The following GHR variants were observed in gnomAD, a reference collection of about 807,000 sequenced individuals.
GHR encodes the protein GH receptor.
In GHR, 35 loss-of-function variants were observed where a neutral mutation model predicts 67.1. That is an observed-to-expected ratio of 0.52 (90% CI 0.40 to 0.69). GHR has a LOEUF of 0.69. GHR is among the 30% of genes least tolerant of loss of function. The pLI is 0.00. For missense variants in GHR, 792 were observed against 764.6 expected (o/e 1.04, Z -0.42); for synonymous variants, 272 against 269.1 (o/e 1.01, Z -0.10).
At chr5:42,443,638 A>C (rs1191205353) in intron 1 of GHR, among the ~76,000 whole-genome samples, 1 of 151,572 alleles carries the variant, frequency 6.6e-6, no homozygotes, top group Non-Finnish European at 1.5e-5. Context: ...GTGTAGATTT[A>C]TTTTAAGAGA....
intron 1 of GHR, among the ~76,000 whole-genome samples, chr5:42,564,926 C>T (rs1264633716): frequency 3.9e-5 from 6 of 152,208 alleles, no homozygotes; most frequent in Admixed American, 6.5e-5. Flanking sequence ...TCAGACACAG[C>T]AACAGCTCTA....
chr5:42,605,116 A>G (rs1179404231), intron 2 of GHR, among the ~76,000 whole-genome samples: 1 of 59,812 alleles, frequency 1.7e-5, no homozygotes, highest in East Asian at 3.5e-4. Context: ...TTTTTTTTTG[A>G]GACAGAGTTT....
At chr5:42,712,355 C>T (rs1423185705) in intron 7 of GHR, among the ~76,000 whole-genome samples, 1 of 151,652 alleles carries the variant, frequency 6.6e-6, no homozygotes, top group East Asian at 1.9e-4. Context: ...CACCCTTAAG[C>T]TTAGTGTAGT....
chr5:42,652,145 G>T (rs1755044562), intron 3 of GHR, among the ~76,000 whole-genome samples: 1 of 152,128 alleles, frequency 6.6e-6, no homozygotes, highest in East Asian at 1.9e-4. Flanking sequence ...ACCAAATAGA[G>T]AGAATGAAAG....
intron 2 of GHR, among the ~76,000 whole-genome samples, chr5:42,602,817 A>G (rs974027878): frequency 6.6e-6 from 1 of 152,102 alleles, no homozygotes; most frequent in African/African-American, 2.4e-5. Context: ...TAATATCCCA[A>G]TGTACATCTG....
chr5:42,544,967 A>G, intron 1 of GHR, among the ~76,000 whole-genome samples: 1 of 152,120 alleles, frequency 6.6e-6, no homozygotes, highest in East Asian at 1.9e-4. Context: ...TTCAGCCAGC[A>G]AGGAAGATAA....
chr5:42,602,501 C>A (rs1019856585), intron 2 of GHR, among the ~76,000 whole-genome samples: 2 of 152,104 alleles, frequency 1.3e-5, no homozygotes, highest in Non-Finnish European at 2.9e-5. Context: ...GGAGTTTAGA[C>A]CATTTACAAT....
At chr5:42,492,359 G>A (rs1338523848) in intron 1 of GHR, among the ~76,000 whole-genome samples, 1 of 152,188 alleles carries the variant, frequency 6.6e-6, no homozygotes, top group African/African-American at 2.4e-5. Context: ...AAGTGAAAAT[G>A]TGGGGAAAGG....
intron 6 of GHR, among the ~76,000 whole-genome samples, chr5:42,701,724 T>C (rs538544899): frequency 1.2e-4 from 18 of 152,346 alleles, no homozygotes; most frequent in Non-Finnish European, 2.5e-4. Context: ...TGATAGTGTT[T>C]TAATATTTGA....
intron 1 of GHR, among the ~76,000 whole-genome samples, chr5:42,435,749 C>T (rs1184274386): frequency 2.0e-5 from 3 of 152,172 alleles, no homozygotes; most frequent in Non-Finnish European, 4.4e-5. Flanking sequence ...AATCCAGAAG[C>T]GTGCACTGCT....
chr5:42,696,422 G>A (rs1757676275), intron 5 of GHR, among the ~76,000 whole-genome samples: 1 of 152,192 alleles, frequency 6.6e-6, no homozygotes, highest in African/African-American at 2.4e-5. Flanking sequence ...TGACAGTTTA[G>A]TTACCTCTGA....
In GHR at chr5:42,430,737, G is replaced by A. The variant is rs373224101; in HGVS notation, c.-12+6782G>A. ...AGTCTGATATGAAGGGAAGAAATAA[G>A]CAATGATTCAGTTCCTTTTTTTACA... On this transcript the variant is annotated intron_variant, in intron 1 of 9. Transcript: ENST00000230882. Among the ~76,000 whole-genome samples, 12 of 151,952 alleles carry A rather than the reference G, an allele frequency of 7.9e-5. No individual in the cohort carries two copies. In the East Asian group the frequency reaches 1.9e-3, roughly 25 times the overall value.
chr5:42,474,285 A>AAGAAAGAAAGAAAGAGAG, intron 1 of GHR, among the ~76,000 whole-genome samples: 1 of 28,142 alleles, frequency 3.6e-5, no homozygotes, highest in African/African-American at 1.2e-4. Context: ...GAAAGAAAGA[A>AAGAAAGAAAGAAAGAGAG]AAAGAGAAAG....
chr5:42,655,593 CAT>C (rs1333296902), intron 3 of GHR, among the ~76,000 whole-genome samples: 1 of 152,066 alleles, frequency 6.6e-6, no homozygotes, highest in Non-Finnish European at 1.5e-5. Flanking sequence ...TTTTTGAACA[CAT>C]GATACATATG....
chr5:42,545,243 A>T (rs1052374186), intron 1 of GHR, among the ~76,000 whole-genome samples: 2 of 152,224 alleles, frequency 1.3e-5, no homozygotes, highest in African/African-American at 4.8e-5. Context: ...TAATCAATTA[A>T]TATTAGCTGA....
At chr5:42,661,068 A>G (rs1452414532) in intron 3 of GHR, among the ~76,000 whole-genome samples, 1 of 152,048 alleles carries the variant, frequency 6.6e-6, no homozygotes, top group Admixed American at 6.6e-5. Context: ...AAAAAGAATA[A>G]AAAGAAACAA....
intron 3 of GHR, among the ~76,000 whole-genome samples, chr5:42,649,379 T>G (rs1159063821): frequency 6.6e-6 from 1 of 152,184 alleles, no homozygotes. Flanking sequence ...AGGAATTTTA[T>G]AAATGGAATA....
intron 3 of GHR, among the ~76,000 whole-genome samples, chr5:42,652,169 A>G (rs550136566): frequency 6.6e-6 from 1 of 152,310 alleles, no homozygotes; most frequent in African/African-American, 2.4e-5. Flanking sequence ...TAGATTTTGT[A>G]TTACAGATAG....
chr5:42,712,897 C>T (rs190301191), intron 7 of GHR, among the ~76,000 whole-genome samples: 33 of 150,666 alleles, frequency 2.2e-4, no homozygotes, highest in African/African-American at 3.9e-4. Context: ...GATATAAATA[C>T]GTATATTTAT....
Sources: gnomAD v4.1 joint callset for allele counts (sites outside exome capture counted in the v4.1 genomes callset) on GRCh38, gnomAD v4.1.1 for gene constraint, MANE v1.5 for transcripts, NCBI Gene and HGNC (gene_info 2026-07-23, HGNC 2026-07-21) for gene names.